Variants in PBX3 observed in about 807,000 individuals in gnomAD.
PBX3 encodes pre-B-cell leukemia transcription factor 3.
PBX3 carries 14 observed loss-of-function variants against 48.5 expected under a neutral mutation model. The observed-to-expected ratio is 0.29, with a 90% CI of 0.19 to 0.45. The LOEUF (loss-of-function observed/expected upper bound fraction) is 0.45, where lower values mean the gene tolerates loss of function less well. PBX3 is among the 20% of genes least tolerant of loss of function. The pLI, the probability that PBX3 is intolerant of heterozygous loss-of-function variation, is 1.00. For synonymous variants in PBX3, 210 were observed against 200.3 expected, an observed-to-expected ratio of 1.05 and a Z score of -0.41; for missense variants, 386 against 546.7, an observed-to-expected ratio of 0.71 and a Z score of 2.93.
At chr9:125,780,968 C>G (rs1410984059) in intron 2 of PBX3, among the ~76,000 whole-genome samples, 1 of 98,506 alleles carries the variant, frequency 1.0e-5, no homozygotes, top group Non-Finnish European at 2.0e-5. Flanking sequence ...GGGTTGCGGC[C>G]GGGCAGAGGC....
At chr9:125,903,505 T>A (rs1398827383) in intron 2 of PBX3, among the ~76,000 whole-genome samples, 5 of 151,876 alleles carry the variant, frequency 3.3e-5, no homozygotes, top group Non-Finnish European at 7.4e-5. Flanking sequence ...TGCCCATTTC[T>A]TTCTAATTGT....
intron 2 of PBX3, among the ~76,000 whole-genome samples, chr9:125,838,146 G>C (rs971052363): frequency 7.2e-5 from 11 of 152,168 alleles, no homozygotes; most frequent in South Asian, 2.1e-4. Context: ...AGCCTGCTGG[G>C]CTCAAGGGAT....
chr9:125,830,932 T>A (rs1014601333), intron 2 of PBX3, among the ~76,000 whole-genome samples: 1 of 152,110 alleles, frequency 6.6e-6, no homozygotes, highest in African/African-American at 2.4e-5. Context: ...GAGGGTACAA[T>A]GAACTCCTGT....
intron 2 of PBX3, among the ~76,000 whole-genome samples, chr9:125,851,511 C>G (rs1405724095): frequency 6.6e-6 from 1 of 152,010 alleles, no homozygotes; most frequent in Non-Finnish European, 1.5e-5. Context: ...ATAGAAGCAT[C>G]TTTTTTAACA....
intron 2 of PBX3, among the ~76,000 whole-genome samples, chr9:125,891,081 C>T (rs1390606762): frequency 6.6e-6 from 1 of 151,016 alleles, no homozygotes; most frequent in Non-Finnish European, 1.5e-5. Context: ...GTACCTTTAT[C>T]TTTTTCTTTC....
chr9:125,780,768 G>C (rs1328219766), intron 2 of PBX3, among the ~76,000 whole-genome samples: 2 of 142,528 alleles, frequency 1.4e-5, no homozygotes, highest in Non-Finnish European at 3.1e-5. Context: ...CTGGCCGGGC[G>C]GGGGGCTGAC....
At chr9:125,763,724 A>G (rs898115161) in intron 2 of PBX3, among the ~76,000 whole-genome samples, 7 of 152,210 alleles carry the variant, frequency 4.6e-5, no homozygotes, top group African/African-American at 1.7e-4. Flanking sequence ...GCAATGATTA[A>G]TGGCAGTGAG....
chr9:125,762,385 T>A (rs976242893), intron 2 of PBX3, among the ~76,000 whole-genome samples: 1 of 152,214 alleles, frequency 6.6e-6, no homozygotes, highest in East Asian at 1.9e-4. Flanking sequence ...TCAAATTCTT[T>A]ACCTTTGAGT....
chr9:125,838,855 A>G (rs888779791), intron 2 of PBX3, among the ~76,000 whole-genome samples: 1 of 152,214 alleles, frequency 6.6e-6, no homozygotes, highest in Non-Finnish European at 1.5e-5. Flanking sequence ...AATGAAAATA[A>G]TAAAGTAGAA....
intron 2 of PBX3, among the ~76,000 whole-genome samples, chr9:125,791,853 G>A (rs184151134): frequency 1.2e-4 from 18 of 151,488 alleles, no homozygotes; most frequent in Non-Finnish European, 1.8e-4. Context: ...GGAGAATGGC[G>A]TGAACCCGGG....
intron 2 of PBX3, among the ~76,000 whole-genome samples, chr9:125,807,073 A>G (rs1469990688): frequency 4.6e-5 from 7 of 152,270 alleles, no homozygotes; most frequent in Non-Finnish European, 1.0e-4. Context: ...CTGTAATCCC[A>G]GTACTTTGGG....
intron 5 of PBX3, among the ~76,000 whole-genome samples, chr9:125,955,713 A>G (rs1414651592): frequency 6.6e-6 from 1 of 152,210 alleles, no homozygotes; most frequent in Admixed American, 6.5e-5. Context: ...CTGATTTCTC[A>G]GACCTGCTGG....
intron 2 of PBX3, among the ~76,000 whole-genome samples, chr9:125,793,734 T>C (rs1385716256): frequency 6.6e-6 from 1 of 152,158 alleles, no homozygotes; most frequent in African/African-American, 2.4e-5. Flanking sequence ...CCTGTCAAAG[T>C]TGATAAGTTT....
chr9:125,810,157 A>G lies in PBX3; in HGVS notation c.274+61534A>G, dbSNP rs188344188. On this transcript the variant is annotated intron_variant, in intron 2 of 8. Coordinates refer to ENST00000373489, the MANE Select transcript of PBX3 (RefSeq NM_006195.6). ...TATTAGCTACCTGAAGTAGTTGATA[A>G]TGTTCTACTAAGTCACCCCTCCCTA... Among the ~76,000 whole-genome samples the G allele has an allele frequency of 2.2e-3, 333 of 152,280 alleles. 4 individuals carry two copies. Among genetic ancestry groups the G allele is most frequent in the Admixed American group, 0.018 (276 of 15,282 alleles).
chr9:125,788,094 A>G (rs1330079108), intron 2 of PBX3, among the ~76,000 whole-genome samples: 1 of 152,242 alleles, frequency 6.6e-6, no homozygotes, highest in Non-Finnish European at 1.5e-5. Flanking sequence ...TATTAATATT[A>G]GTTAATAACC....
At position 125,780,753 on chromosome 9, in the gene PBX3, G is replaced by C. The variant is rs1837262533; in HGVS notation, c.274+32130G>C. ...CCCCCCCCACCTCCCTCCCGGACAG[G>C]GCGGCTGGCCGGGCGGGGGGCTGAC... On this transcript the variant is annotated intron_variant, in intron 2 of 8. Coordinates refer to ENST00000373489, the MANE Select transcript of PBX3 (RefSeq NM_006195.6). Among the ~76,000 whole-genome samples, 3 of 131,692 alleles carry C rather than the reference G, an allele frequency of 2.3e-5. No individual in the cohort carries two copies. In the South Asian group the frequency reaches 7.6e-4, roughly 33 times the overall value. 86.4% of individuals were successfully genotyped at this position (131,692 alleles called of 152,430 possible).
chr9:125,960,834 A>G lies in PBX3; in HGVS notation c.994A>G (p.Thr332Ala). ...AVQNNQTNSPTTPNSGSSGSF... is the reference protein window; with the variant it reads ...AVQNNQTNSPATPNSGSSGSF... Reference sequence around the variant, plus strand: ...GCAGAACAACCAGACCAATTCGCCCACCACACCAAATTCCGGTGCGTACTG... The same window carrying G: ...GCAGAACAACCAGACCAATTCGCCCGCCACACCAAATTCCGGTGCGTACTG... Residue 332 changes from threonine to alanine, a missense_variant, in exon 6 of 9, where the codon ACC (threonine) becomes GCC (alanine). By Grantham distance (58) the Thr-to-Ala change is moderately conservative (BLOSUM62 0). Transcript: ENST00000373489. 1.2e-6 allele frequency: 2 copies of G among 1,613,972 alleles called. No homozygotes were observed. Among genetic ancestry groups the G allele is most frequent in the Non-Finnish European group, 1.7e-6 (2 of 1,179,882 alleles).
intron 2 of PBX3, among the ~76,000 whole-genome samples, chr9:125,797,029 C>A (rs1304926762): frequency 3.9e-5 from 6 of 152,066 alleles, no homozygotes; most frequent in East Asian, 1.9e-4. Flanking sequence ...GTTGAAACAC[C>A]CAGTTGCCAT....
chr9:125,888,967 T>C (rs1355429332), intron 2 of PBX3, among the ~76,000 whole-genome samples: 1 of 152,158 alleles, frequency 6.6e-6, no homozygotes, highest in Non-Finnish European at 1.5e-5. Flanking sequence ...AAAATGTACA[T>C]TTTTGGGTGT....
Sources: gnomAD v4.1 joint callset for allele counts (sites outside exome capture counted in the v4.1 genomes callset) on GRCh38, gnomAD v4.1.1 for gene constraint, MANE v1.5 for transcripts, NCBI Gene and HGNC (gene_info 2026-07-23, HGNC 2026-07-21) for gene names.